The following MEIS1 variants were observed in gnomAD, a reference collection of about 807,000 sequenced individuals.
The protein encoded by MEIS1 is Meis homeobox 1.
MEIS1 carries 5 observed loss-of-function variants against 50.8 expected under a neutral mutation model. That is an observed-to-expected ratio of 0.10 (90% CI 0.05 to 0.21). MEIS1 has a LOEUF of 0.21. Ranked by LOEUF, MEIS1 falls within the 10% of genes least tolerant of loss-of-function variation. The probability of loss-of-function intolerance (pLI) is 1.00; values close to 1 mark genes in which losing one functional copy is unlikely to be tolerated. For missense variants in MEIS1, 318 were observed against 517.3 expected (o/e 0.61, Z 3.74); for synonymous variants, 176 against 179.3 (o/e 0.98, Z 0.15).
chr2:66,524,576 A>T (rs1674203209), intron 8 of MEIS1, among the ~76,000 whole-genome samples: 1 of 152,090 alleles, frequency 6.6e-6, no homozygotes, highest in Non-Finnish European at 1.5e-5. Context: ...ATAAATAAAT[A>T]AAATTTAAAA....
At chr2:66,473,397 A>AAAAATATATATATATAT in intron 7 of MEIS1, among the ~76,000 whole-genome samples, 1 of 107,596 alleles carries the variant, frequency 9.3e-6, no homozygotes, top group Admixed American at 9.6e-5. Context: ...AAAAAAAAAA[A>AAAAATATATATATATAT]ATATATATAT....
Position 66,437,878 on chromosome 2 carries a change from C to G in MEIS1, c.154C>G (p.His52Asp), listed in dbSNP as rs1671840882. ...GPPLHSHQYP[H>D]TAHTNAMAPS... Reference sequence around the variant, plus strand: ...TCCTCTGCACTCGCATCAGTACCCGCACACAGCTCATACCAACGCCATGGC... The same window carrying G: ...TCCTCTGCACTCGCATCAGTACCCGGACACAGCTCATACCAACGCCATGGC... The change falls in exon 2 of 13, where the codon CAC becomes GAC. Residue 52 changes from histidine (H) to aspartate (D), a missense_variant. His to Asp is a moderately conservative substitution (Grantham distance 81). This residue lies in a region of MEIS1 where 100 missense variants were observed against 107.1 expected (regional missense o/e 0.93). Coordinates refer to ENST00000272369, the MANE Select transcript of MEIS1 (RefSeq NM_002398.3). 1 of 1,612,374 alleles carries G rather than the reference C, an allele frequency of 6.2e-7. No individual in the cohort carries two copies. Among genetic ancestry groups the G allele is most frequent in the Non-Finnish European group, 8.5e-7 (1 of 1,179,164 alleles).
intron 8 of MEIS1, among the ~76,000 whole-genome samples, chr2:66,517,076 C>G (rs1020524544): frequency 2.0e-5 from 3 of 152,150 alleles, no homozygotes; most frequent in African/African-American, 7.2e-5. Flanking sequence ...TTGCCCACCT[C>G]TGTACTCTGC....
At chr2:66,525,662 G>A (rs1258041671) in intron 8 of MEIS1, among the ~76,000 whole-genome samples, 1 of 152,212 alleles carries the variant, frequency 6.6e-6, no homozygotes, top group Non-Finnish European at 1.5e-5. Context: ...TCTGATAGAC[G>A]CAGGGCTCTG....
chr2:66,451,865 G>A (rs1011238669), intron 6 of MEIS1, among the ~76,000 whole-genome samples: 1 of 151,634 alleles, frequency 6.6e-6, no homozygotes, highest in Admixed American at 6.6e-5. Flanking sequence ...GCTATTTTTG[G>A]AAACTTTTCA....
At chr2:66,545,296 T>G (rs1674763435) in intron 8 of MEIS1, among the ~76,000 whole-genome samples, 1 of 152,166 alleles carries the variant, frequency 6.6e-6, no homozygotes. Context: ...TTACAGGAAA[T>G]GTTATAGATT....
intron 5 of MEIS1, among the ~76,000 whole-genome samples, chr2:66,442,408 G>A (rs1256461097): frequency 6.6e-6 from 1 of 151,178 alleles, no homozygotes; most frequent in East Asian, 1.9e-4. Flanking sequence ...ACCCCTTAGA[G>A]ATAAAAACCT....
intron 8 of MEIS1, among the ~76,000 whole-genome samples, chr2:66,546,541 G>T (rs1674796644): frequency 6.6e-6 from 1 of 152,152 alleles, no homozygotes; most frequent in Non-Finnish European, 1.5e-5. Context: ...GTCTGCCTCT[G>T]TCCATCTCTT....
At chr2:66,448,023 C>T (rs1249589257) in intron 6 of MEIS1, among the ~76,000 whole-genome samples, 1 of 152,110 alleles carries the variant, frequency 6.6e-6, no homozygotes, top group Non-Finnish European at 1.5e-5. Context: ...CAGAATGACT[C>T]CATTGCTCAC....
At chr2:66,485,289 A>G (rs1262336474) in intron 7 of MEIS1, among the ~76,000 whole-genome samples, 2 of 151,680 alleles carry the variant, frequency 1.3e-5, no homozygotes, top group East Asian at 3.9e-4. Flanking sequence ...ACTGTGTGAT[A>G]TTTCCCTCCC....
intron 7 of MEIS1, among the ~76,000 whole-genome samples, chr2:66,475,725 AGAGGCTG>A (rs2103772447): frequency 6.6e-6 from 1 of 152,346 alleles, no homozygotes; most frequent in South Asian, 2.1e-4. Context: ...GGGAGATGGC[AGAGGCTG>A]GCATCCTTGA....
At chr2:66,455,275 A>G (rs1253700114) in intron 6 of MEIS1, among the ~76,000 whole-genome samples, 2 of 152,188 alleles carry the variant, frequency 1.3e-5, no homozygotes, top group African/African-American at 2.4e-5. Flanking sequence ...TTTATGGTCA[A>G]TTGCCCTTTG....
At chr2:66,454,834 T>G (rs1485393003) in intron 6 of MEIS1, 1 of 152,136 alleles carries the variant, frequency 6.6e-6, no homozygotes, top group African/African-American at 2.4e-5. Context: ...CTCCCACTGC[T>G]AAGTAGAAAT....
At chr2:66,559,536 T>C (rs994020090) in intron 9 of MEIS1, among the ~76,000 whole-genome samples, 25 of 152,138 alleles carry the variant, frequency 1.6e-4, no homozygotes, top group Admixed American at 5.9e-4. Flanking sequence ...TATGGAAAAA[T>C]TGGAATTTAA....
At chr2:66,447,414 G>A (rs886609656) in intron 6 of MEIS1, among the ~76,000 whole-genome samples, 1 of 152,136 alleles carries the variant, frequency 6.6e-6, no homozygotes, top group Admixed American at 6.5e-5. Flanking sequence ...TGTGTTGTGG[G>A]TCATGTGATA....
At position 66,456,113 on chromosome 2, in the gene MEIS1, A is replaced by C. The variant is rs778566099; in HGVS notation, c.631-7996A>C. 2.4e-4 allele frequency among the ~76,000 whole-genome samples: 36 copies of C among 152,176 alleles called. 1 individual carries two copies. Among genetic ancestry groups the C allele is most frequent in the Admixed American group, 3.9e-4 (6 of 15,272 alleles). ...CAGAGATAGAGGATTCAATGTTTGAAAAATTATCATTTTTGTAGGTTTTAT... is the reference window on the plus strand; with the variant it reads ...CAGAGATAGAGGATTCAATGTTTGACAAATTATCATTTTTGTAGGTTTTAT... On this transcript the variant is annotated intron_variant, in intron 6 of 12. Transcript: ENST00000272369.
At chr2:66,511,710 G>C (rs1673834429) in intron 7 of MEIS1, among the ~76,000 whole-genome samples, 1 of 152,210 alleles carries the variant, frequency 6.6e-6, no homozygotes, top group Admixed American at 6.5e-5. Context: ...TGTGGAAATA[G>C]TTGATATCTT....
chr2:66,571,130 C>T (rs1417046977), intron 12 of MEIS1, 116 bp from the exon 13 acceptor site: 3 of 1,026,694 alleles, frequency 2.9e-6, no homozygotes, highest in East Asian at 5.4e-5. Context: ...CTTTACAAAA[C>T]CATGTTCCCT....
intron 6 of MEIS1, 105 bp downstream of exon 6, chr2:66,443,153 T>G (rs1190267875): frequency 3.1e-6 from 4 of 1,277,978 alleles, no homozygotes; most frequent in Non-Finnish European, 4.2e-6. Context: ...TATGATTAAG[T>G]CCCTTTTAGA....
Sources: allele counts gnomAD v4.1 joint callset (sites outside exome capture counted in the v4.1 genomes callset), GRCh38; gene constraint gnomAD v4.1.1; regional missense constraint gnomAD v4.1.1; transcripts MANE v1.5; gene names NCBI Gene and HGNC (gene_info 2026-07-23, HGNC 2026-07-21).